Variants in ZNF263 observed in about 807,000 individuals in gnomAD.
ZNF263 encodes the protein zinc finger protein 263.
In ZNF263, 49 loss-of-function variants were observed where a neutral mutation model predicts 63.1. The ratio of observed to expected loss-of-function variants is 0.78; its 90% CI spans 0.62 to 0.99. ZNF263 has a LOEUF of 0.99. Ranked by LOEUF, ZNF263 falls within the 50% of genes least tolerant of loss-of-function variation. The probability of loss-of-function intolerance (pLI) is 0.00; values close to 1 mark genes in which losing one functional copy is unlikely to be tolerated. For missense variants in ZNF263, 872 were observed against 854.8 expected, an observed-to-expected ratio of 1.02 and a Z score of -0.25; for synonymous variants, 352 against 324.2, an observed-to-expected ratio of 1.09 and a Z score of -0.92.
At chr16:3,294,369 CTT>C (rs1959692154), downstream of ZNF263, among the ~76,000 whole-genome samples, 1 of 152,168 alleles carries the variant, frequency 6.6e-6, no homozygotes, top group South Asian at 2.1e-4. Flanking sequence ...CGTAAAGTGT[CTT>C]AATGTGTGTT....
chr16:3,291,514 T>C, downstream of ZNF263: 1 of 984,352 alleles, frequency 1.0e-6, no homozygotes, highest in Non-Finnish European at 1.2e-6. Flanking sequence ...TGTTGATCTG[T>C]CTCCCCTCTG....
At chr16:3,293,193 CT>C, downstream of ZNF263, 1 of 152,310 alleles carries the variant, frequency 6.6e-6, no homozygotes, top group South Asian at 2.1e-4. Flanking sequence ...CGGTTTTCCC[CT>C]ATGCTGTTCT....
Position 3,290,768 on chromosome 16 carries a change from G to A in ZNF263, c.*210G>A. The A allele has an allele frequency of 7.3e-7, 1 of 1,375,934 alleles. No homozygotes were observed. Among genetic ancestry groups the A allele is most frequent in the Non-Finnish European group, 9.4e-7 (1 of 1,067,894 alleles). The allele number at this position is 1,375,934 out of a possible 1,614,324, so 85.2% of individuals were successfully genotyped here. ...GCATGAGAAAGGATGGCAAGTCTCT[G>A]AGGTGACCTCAGGGTGGAATTCTCT... On this transcript the variant is annotated 3_prime_UTR_variant, in exon 6 of 6. Transcript: ENST00000219069.
chr16:3,294,144 C>G (rs1430027467), downstream of ZNF263, among the ~76,000 whole-genome samples: 2 of 152,214 alleles, frequency 1.3e-5, no homozygotes, highest in East Asian at 1.9e-4. Context: ...CCAGGATGGT[C>G]TCGATCTCCT....
chr16:3,298,937 TA>T, intron 1 of ZNF263: 2 of 1,027,398 alleles, frequency 1.9e-6, no homozygotes, highest in Non-Finnish European at 2.6e-6. Flanking sequence ...CTACATCATA[TA>T]ATGGCAGAAA....
intron 2 of ZNF263, 108 bp downstream of exon 2, chr16:3,285,347 C>G: frequency 1.6e-6 from 2 of 1,278,816 alleles, no homozygotes; most frequent in Non-Finnish European, 1.1e-6. Context: ...TTCTGAAGAT[C>G]AGGTTCTCAC....
chr16:3,284,974 T>G, intron 1 of ZNF263, 85 bp from the exon 2 acceptor site: 1 of 1,525,536 alleles, frequency 6.6e-7, no homozygotes. Flanking sequence ...GGTTCTCTGT[T>G]GAAGGTTTGC....
chr16:3,299,962 G>A (rs1019769749), intron 2 of ZNF263: 6 of 1,613,798 alleles, frequency 3.7e-6, no homozygotes, highest in Non-Finnish European at 5.1e-6. Flanking sequence ...AGTTCCGTCT[G>A]CATTTGCACA....
At chr16:3,288,704 A>T in intron 5 of ZNF263, 134 bp downstream of exon 5, 1 of 570,018 alleles carries the variant, frequency 1.8e-6, no homozygotes, top group African/African-American at 1.9e-5. Flanking sequence ...GGAGTGCAAC[A>T]GTGCGATCTC....
intron 2 of ZNF263, chr16:3,300,264 T>C (rs763762443): frequency 3.7e-6 from 6 of 1,614,144 alleles, no homozygotes; most frequent in Non-Finnish European, 5.1e-6. Flanking sequence ...CTTTGAAATC[T>C]GTTCGCCCAA....
chr16:3,298,571 T>C (rs1179795506), intron 1 of ZNF263, among the ~76,000 whole-genome samples: 1 of 152,186 alleles, frequency 6.6e-6, no homozygotes, highest in Non-Finnish European at 1.5e-5. Flanking sequence ...AAACACTAAA[T>C]AGGTAGTAAC....
chr16:3,288,654 T>C, intron 5 of ZNF263, 84 bp downstream of exon 5: 1 of 1,064,716 alleles, frequency 9.4e-7, no homozygotes, highest in Non-Finnish European at 1.4e-6. Context: ...TTTTGTTTTG[T>C]TTTGTTTTGA....
Position 3,290,959 on chromosome 16 carries a change from T to C in ZNF263, c.*401T>C. ...GGACATTCAGTAGGAGCATTTGGGC[T>C]TCCGGGGCCCCTGAGACCAAAGAAG... On this transcript the variant is annotated 3_prime_UTR_variant, in exon 6 of 6. Coordinates refer to ENST00000219069, the MANE Select transcript of ZNF263 (RefSeq NM_005741.5). The C allele has an allele frequency of 1.0e-6, 1 of 1,000,484 alleles. No individual in the cohort carries two copies. The highest frequency in any genetic ancestry group is 1.2e-6 in the Non-Finnish European group (1 of 837,500). 62.0% of individuals were successfully genotyped at this position (1,000,484 alleles called of 1,614,324 possible). A position where few individuals can be genotyped will look rare whatever the true frequency, so the allele number is the denominator to read the frequency against.
chr16:3,299,470 T>C, intron 2 of ZNF263: 1 of 1,554,654 alleles, frequency 6.4e-7, no homozygotes, highest in Non-Finnish European at 8.7e-7. Context: ...TTTTGCCCAG[T>C]TAAAAATTGC....
intron 2 of ZNF263, chr16:3,300,773 T>C (rs1413961440): frequency 7.8e-7 from 1 of 1,275,936 alleles, no homozygotes; most frequent in Non-Finnish European, 1.0e-6. Flanking sequence ...GGGCTAACCA[T>C]GACTGAAGAG....
At chr16:3,284,946 C>G in intron 1 of ZNF263, 113 bp from the exon 2 acceptor site, 2 of 1,332,844 alleles carry the variant, frequency 1.5e-6, no homozygotes, top group Non-Finnish European at 2.1e-6. Flanking sequence ...GTTACCTGGG[C>G]CCAAAGGGAT....
Position 3,283,955 on chromosome 16 carries a change from G to T in ZNF263, c.137G>T (p.Arg46Leu), listed in dbSNP as rs1283120883. 1.2e-6 allele frequency: 2 copies of T among 1,613,834 alleles called. No individual in the cohort carries two copies. The highest frequency in any genetic ancestry group is 1.6e-4 in the Middle Eastern group (1 of 6,076). The change falls in exon 1 of 6, where the codon CGG (arginine) becomes CTG (leucine). Residue 46 changes from arginine (R) to leucine (L), a missense_variant. Transcript: ENST00000219069. ...SPEASHLRFRRFRFQEAAGPR... is the reference protein window; with the variant it reads ...SPEASHLRFRLFRFQEAAGPR... ...GAGGCCTCCCACTTGCGCTTCAGAC[G>T]GTTCCGCTTCCAAGAGGCAGCTGGT... is the stretch of plus-strand genomic sequence containing the variant.
rs1378539045 is a variant in ZNF263, at chr16:3,289,606, G to A, written c.1100G>A (p.Gly367Glu). The A allele has an allele frequency of 3.1e-6, 5 of 1,614,150 alleles. No individual in the cohort carries two copies. The highest frequency in any genetic ancestry group is 4.2e-6 in the Non-Finnish European group (5 of 1,180,032). Residue 367 changes from glycine to glutamate, a missense_variant, in exon 6 of 6, where the codon GGG becomes GAG. Physicochemically the swap from Gly to Glu is moderately conservative, Grantham distance 98 (BLOSUM62 -2). Coordinates refer to ENST00000219069, the MANE Select transcript of ZNF263 (RefSeq NM_005741.5). ...GGAGCCTCAAGTGGCAGAGAACTGGGGCGACCGAAGGAACTGCAGCCAAAG... is the reference window on the plus strand; with the variant it reads ...GGAGCCTCAAGTGGCAGAGAACTGGAGCGACCGAAGGAACTGCAGCCAAAG... Reference protein sequence around the residue: ...LAGASSGRELGRPKELQPKKL... With the variant: ...LAGASSGRELERPKELQPKKL...
rs765567853 is a variant in ZNF263, at chr16:3,283,830, C to G, written c.12C>G (p.Gly4=). 8 of 1,573,262 alleles carry G rather than the reference C, an allele frequency of 5.1e-6. No individual in the cohort carries two copies. The highest frequency in any genetic ancestry group is 1.8e-5 in the Admixed American group (1 of 55,036). The stretch of plus-strand genomic sequence containing the variant: ...CTGGAGACCTGACGATGGCGTCGGG[C>G]CCGGGCTCCCAGGAACGGGAAGGGC... The part of the protein sequence containing the change: MAS[G]PGSQEREGLL... Residue 4 remains glycine, a synonymous_variant, in exon 1 of 6, where the codon GGC becomes GGG. Transcript: ENST00000219069.
Sources: allele counts gnomAD v4.1 joint callset (sites outside exome capture counted in the v4.1 genomes callset), GRCh38; gene constraint gnomAD v4.1.1; transcripts MANE v1.5; gene names NCBI Gene and HGNC (gene_info 2026-07-23, HGNC 2026-07-21).